The following FAM133A variants were observed in gnomAD, a reference collection of about 807,000 sequenced individuals.
The protein encoded by FAM133A is protein FAM133A.
For synonymous variants in FAM133A, 65 were observed against 58.6 expected (o/e 1.11, Z -0.50); for missense variants, 159 against 164.4 (o/e 0.97, Z 0.18).
At chrX:93,703,015 C>T (rs969818678) in intron 3 of FAM133A, among the ~76,000 whole-genome samples, 3 of 109,735 alleles carry the variant, frequency 2.7e-5, no homozygotes, top group African/African-American at 9.9e-5. Flanking sequence ...TGGCGAAACC[C>T]TGTCTCTACG....
intron 3 of FAM133A, among the ~76,000 whole-genome samples, chrX:93,709,111 A>G (rs1364136792): frequency 8.9e-6 from 1 of 111,917 alleles, no homozygotes; most frequent in Non-Finnish European, 1.9e-5. Flanking sequence ...GAGGTATATA[A>G]AACACTTTTA....
Position 93,710,947 on chromosome X carries a change from C to A in FAM133A, c.*781C>A, listed in dbSNP as rs1378882160. ...CTTTATACCCATTTTGTATGGGAAC[C>A]ATTCTAAACAGACCCTGATGTTGTT... On this transcript the variant is annotated 3_prime_UTR_variant, in exon 4 of 4. Transcript: ENST00000683942. 2 of 122,944 alleles carry A rather than the reference C, an allele frequency of 1.6e-5. No individual in the cohort carries two copies. Among genetic ancestry groups the A allele is most frequent in the African/African-American group, 6.5e-5 (2 of 30,698 alleles). The allele number at this position is 122,944 out of a possible 1,213,427, so 10.1% of individuals were successfully genotyped here. A position where few individuals can be genotyped will look rare whatever the true frequency, so the allele number is the denominator to read the frequency against.
chrX:93,682,297 A>G (rs1370675989), intron 2 of FAM133A, among the ~76,000 whole-genome samples: 1 of 112,298 alleles, frequency 8.9e-6, no homozygotes, highest in Non-Finnish European at 1.9e-5. Flanking sequence ...TACTAAACTT[A>G]TCTTCTCCAG....
intron 2 of FAM133A, among the ~76,000 whole-genome samples, chrX:93,696,974 C>G (rs184834876): frequency 9.2e-6 from 1 of 108,995 alleles, no homozygotes; most frequent in Admixed American, 9.7e-5. Flanking sequence ...AGGAAGTGTA[C>G]GAACTAGAGT....
chrX:93,679,719 A>C (rs1223222886), intron 2 of FAM133A, among the ~76,000 whole-genome samples: 4 of 104,158 alleles, frequency 3.8e-5, no homozygotes, highest in African/African-American at 1.4e-4. Context: ...AATCTCTCTT[A>C]CCTCATTCCT....
intron 2 of FAM133A, among the ~76,000 whole-genome samples, chrX:93,693,945 A>G (rs1926058782): frequency 9.0e-6 from 1 of 111,692 alleles, no homozygotes; most frequent in Non-Finnish European, 1.9e-5. Flanking sequence ...TTAAAATTAA[A>G]ATGTTATTAT....
At chrX:93,681,930 C>T (rs1231044763) in intron 2 of FAM133A, among the ~76,000 whole-genome samples, 1 of 111,885 alleles carries the variant, frequency 8.9e-6, no homozygotes, top group Admixed American at 9.5e-5. Flanking sequence ...AAGAGAATTA[C>T]ATAAATGATT....
intron 2 of FAM133A, among the ~76,000 whole-genome samples, chrX:93,696,820 T>A (rs1272717160): frequency 9.2e-6 from 1 of 108,846 alleles, no homozygotes; most frequent in Non-Finnish European, 1.9e-5. Flanking sequence ...CTCGGGAGGC[T>A]GAGTCAGGAG....
At chrX:93,706,576 C>T (rs1237558483) in intron 3 of FAM133A, among the ~76,000 whole-genome samples, 1 of 111,792 alleles carries the variant, frequency 8.9e-6, no homozygotes, top group Non-Finnish European at 1.9e-5. Flanking sequence ...CCATAAATCT[C>T]ATAGGCACTT....
At chrX:93,697,191 A>ATAAT (rs1368744391) in intron 2 of FAM133A, among the ~76,000 whole-genome samples, 1 of 40,803 alleles carries the variant, frequency 2.5e-5, no homozygotes, top group Non-Finnish European at 6.1e-5. Context: ...ATATATATAT[A>ATAAT]ATATATCATA....
intron 3 of FAM133A, among the ~76,000 whole-genome samples, chrX:93,704,626 G>A (rs1453032485): frequency 1.8e-5 from 2 of 111,742 alleles, no homozygotes; most frequent in African/African-American, 3.2e-5. Flanking sequence ...TTTAGAGGTA[G>A]CCTTTAAAAT....
chrX:93,677,317 C>T (rs909211500), intron 2 of FAM133A, among the ~76,000 whole-genome samples: 6 of 110,691 alleles, frequency 5.4e-5, no homozygotes, highest in African/African-American at 1.6e-4. Flanking sequence ...CACACAAACA[C>T]GCAAGGTATA....
intron 3 of FAM133A, 36 bp from the exon 4 acceptor site, chrX:93,709,280 AG>A: frequency 3.7e-6 from 3 of 820,713 alleles, no homozygotes; most frequent in Non-Finnish European, 4.8e-6. Context: ...TTTATATTAA[AG>A]GTGATTTGTA....
chrX:93,705,524 G>T lies in FAM133A; in HGVS notation c.-103-3793G>T, dbSNP rs369500438. Among the ~76,000 whole-genome samples the T allele has an allele frequency of 4.5e-4, 50 of 111,499 alleles. No homozygotes were observed. In the South Asian group the frequency reaches 0.018, roughly 40 times the overall value. On this transcript the variant is annotated intron_variant, in intron 3 of 3. Coordinates refer to ENST00000683942, the MANE Select transcript of FAM133A (RefSeq NM_001171109.2). ...GTGACAACACCCTCTCCCATTCTCT[G>T]TTGTTACTCCAAATTTTAATTACTG... is the stretch of plus-strand genomic sequence containing the variant.
intron 3 of FAM133A, among the ~76,000 whole-genome samples, chrX:93,704,521 G>T (rs1198275273): frequency 3.6e-5 from 4 of 111,352 alleles, no homozygotes; most frequent in Admixed American, 9.6e-5. Context: ...CTTTGAAAAA[G>T]ATGTTTCAAC....
chrX:93,700,801 T>C (rs1926641868), intron 3 of FAM133A, among the ~76,000 whole-genome samples: 1 of 111,728 alleles, frequency 9.0e-6, no homozygotes, highest in Non-Finnish European at 1.9e-5. Context: ...TGGCTGTTTC[T>C]CAGCCAGTAT....
At chrX:93,681,341 A>G (rs1470145094) in intron 2 of FAM133A, among the ~76,000 whole-genome samples, 1 of 109,003 alleles carries the variant, frequency 9.2e-6, no homozygotes, top group Non-Finnish European at 1.9e-5. Flanking sequence ...CCCATTTTGC[A>G]ATTTATTTGG....
intron 2 of FAM133A, among the ~76,000 whole-genome samples, chrX:93,685,837 G>T (rs1925475355): frequency 1.8e-5 from 2 of 111,233 alleles, no homozygotes; most frequent in African/African-American, 6.5e-5. Flanking sequence ...TGCCAGGAAT[G>T]CTAGCTCATG....
intron 2 of FAM133A, among the ~76,000 whole-genome samples, chrX:93,682,399 G>T (rs934324761): frequency 5.4e-5 from 6 of 111,798 alleles, no homozygotes; most frequent in Non-Finnish European, 9.4e-5. Flanking sequence ...TGAGCTTTAT[G>T]ATAAACATTA....
Sources: gnomAD v4.1 joint callset for allele counts (sites outside exome capture counted in the v4.1 genomes callset) on GRCh38, gnomAD v4.1.1 for gene constraint, MANE v1.5 for transcripts, NCBI Gene and HGNC (gene_info 2026-07-23, HGNC 2026-07-21) for gene names.